Variants in QRFPR observed in about 807,000 individuals in gnomAD.
The protein encoded by QRFPR is pyroglutamylated RFamide peptide receptor.
A neutral mutation model predicts 31.3 loss-of-function variants in QRFPR; 37 were observed. The observed-to-expected ratio is 1.18, with a 90% CI of 0.91 to 1.56. QRFPR has a LOEUF of 1.56. QRFPR is among the 40% of genes most tolerant of loss of function. The probability of loss-of-function intolerance (pLI) is 0.00; values close to 1 mark genes in which losing one functional copy is unlikely to be tolerated. For synonymous variants in QRFPR, 197 were observed against 192.0 expected (o/e 1.03, Z -0.22); for missense variants, 542 against 532.5 (o/e 1.02, Z -0.18).
At position 121,367,672 on chromosome 4, in the gene QRFPR, G is replaced by A. The variant is rs1464140990; in HGVS notation, c.340+12636C>T. Among the ~76,000 whole-genome samples the A allele has an allele frequency of 2.0e-5, 3 of 150,160 alleles. 1 individual carries two copies. Among genetic ancestry groups the A allele is most frequent in the Non-Finnish European group, 4.4e-5 (3 of 67,656 alleles). Reference sequence around the variant, plus strand: ...AATGTAGCTAACACTTTAAGTAGCAGAACTTCGAATATGTGAACAACAATT... The same window carrying A: ...AATGTAGCTAACACTTTAAGTAGCAAAACTTCGAATATGTGAACAACAATT... On this transcript the variant is annotated intron_variant, in intron 1 of 5. Transcript: ENST00000394427.
In QRFPR at chr4:121,369,365, C is replaced by A. The variant is rs1579589694; in HGVS notation, c.340+10943G>T. The A allele has an allele frequency of 6.1e-6, 4 of 658,748 alleles. No individual in the cohort carries two copies. In the East Asian group the frequency reaches 7.5e-5, roughly 12 times the overall value. 40.8% of individuals were successfully genotyped at this position (658,748 alleles called of 1,614,324 possible). A position where few individuals can be genotyped will look rare whatever the true frequency, so the allele number is the denominator to read the frequency against. On this transcript the variant is annotated intron_variant, in intron 1 of 5. Coordinates refer to ENST00000394427, the MANE Select transcript of QRFPR (RefSeq NM_198179.3). ...TAAATATACCTTTCCTATGTCAAAGCCAAGATAAAAGGGCAGTGGAGTGCA... is the reference window on the plus strand; with the variant it reads ...TAAATATACCTTTCCTATGTCAAAGACAAGATAAAAGGGCAGTGGAGTGCA...
rs1726123978 is a variant in QRFPR at position 121,365,674 on chromosome 4, T to TA, written c.340+14633dup. ...TATATATTATATATATTTTATATAT[T>TA]ATATATATATATAAAACTAGTGTCA... is the stretch of plus-strand genomic sequence containing the variant. On this transcript the variant is annotated intron_variant, in intron 1 of 5. Transcript: ENST00000394427. Among the ~76,000 whole-genome samples, 13 of 29,662 alleles carry TA rather than the reference T, an allele frequency of 4.4e-4. 3 individuals carry two copies. Among genetic ancestry groups the TA allele is most frequent in the African/African-American group, 1.7e-3 (13 of 7,480 alleles). The allele number at this position is 29,662 out of a possible 152,430, so 19.5% of individuals were successfully genotyped here.
rs553368606 is a variant in QRFPR at position 121,367,388 on chromosome 4, C to T, written c.340+12920G>A. ...TTCTGAAATAAATGAAAGCAGCACC[C>T]TTTTCTGTTTTCTGAGTACAAATGA... On this transcript the variant is annotated intron_variant, in intron 1 of 5. Transcript: ENST00000394427. Among the ~76,000 whole-genome samples, 78 of 150,212 alleles carry T rather than the reference C, an allele frequency of 5.2e-4. 2 individuals carry two copies. The South Asian group carries it at 0.016, about 31-fold the overall frequency.
intron 1 of QRFPR, among the ~76,000 whole-genome samples, chr4:121,378,136 T>C (rs1419132745): frequency 6.6e-6 from 1 of 152,218 alleles, no homozygotes; most frequent in Non-Finnish European, 1.5e-5. Context: ...TATACTTTCA[T>C]GGCATGACCA....
intron 1 of QRFPR, 120 bp downstream of exon 1, chr4:121,380,188 A>AGAGAGAGG (rs1560749136): frequency 0.021 from 1,982 of 93,212 alleles, 118 homozygotes; most frequent in East Asian, 0.048. Flanking sequence ...ACGAGAGAGG[A>AGAGAGAGG]GAGAGAGAGA....
chr4:121,342,100 G>A (rs1337897751), intron 1 of QRFPR, among the ~76,000 whole-genome samples: 2 of 152,292 alleles, frequency 1.3e-5, no homozygotes, highest in South Asian at 2.1e-4. Flanking sequence ...TCCTAGTGTG[G>A]TTGGGCAGCG....
At chr4:121,346,412 C>G (rs113280378) in intron 1 of QRFPR, among the ~76,000 whole-genome samples, 2,553 of 152,242 alleles carry the variant, frequency 0.017, 70 homozygotes, top group African/African-American at 0.057. Context: ...TGTGACCTTG[C>G]TGAACTCACT....
intron 1 of QRFPR, chr4:121,370,245 T>G: frequency 1.3e-6 from 1 of 781,336 alleles, no homozygotes; most frequent in Non-Finnish European, 2.4e-6. Context: ...GAGGGTATCA[T>G]CATAGCTGAG....
intron 1 of QRFPR, among the ~76,000 whole-genome samples, chr4:121,341,770 C>T (rs1725547141): frequency 1.3e-5 from 2 of 152,104 alleles, no homozygotes; most frequent in African/African-American, 2.4e-5. Flanking sequence ...CCCAAAAAAT[C>T]TGAAATCTGA....
At chr4:121,337,948 G>T (rs143497262) in intron 2 of QRFPR, among the ~76,000 whole-genome samples, 2 of 152,292 alleles carry the variant, frequency 1.3e-5, no homozygotes, top group East Asian at 3.9e-4. Context: ...AAAGTTTCCA[G>T]CTCGAACTCT....
chr4:121,355,118 T>G (rs1468667963), intron 1 of QRFPR, among the ~76,000 whole-genome samples: 1 of 152,114 alleles, frequency 6.6e-6, no homozygotes, highest in East Asian at 1.9e-4. Context: ...CCGCTTTGAT[T>G]TTTTTGTAAC....
chr4:121,349,649 G>A (rs139323020), intron 1 of QRFPR, among the ~76,000 whole-genome samples: 358 of 152,184 alleles, frequency 2.4e-3, no homozygotes, highest in African/African-American at 8.3e-3. Context: ...ATGTGGAAAT[G>A]TGCCCTCGTC....
At chr4:121,331,884 C>A (rs1725334459) in intron 4 of QRFPR, among the ~76,000 whole-genome samples, 1 of 152,038 alleles carries the variant, frequency 6.6e-6, no homozygotes, top group Non-Finnish European at 1.5e-5. Context: ...AACTCCTGAC[C>A]TCAAGTGATC....
intron 1 of QRFPR, among the ~76,000 whole-genome samples, chr4:121,357,811 G>A (rs568159015): frequency 2.6e-4 from 40 of 152,304 alleles, no homozygotes; most frequent in South Asian, 1.2e-3. Flanking sequence ...CTCACTTCAA[G>A]GTCTACGTTT....
At chr4:121,368,226 C>T (rs1339031468) in intron 1 of QRFPR, among the ~76,000 whole-genome samples, 3 of 149,978 alleles carry the variant, frequency 2.0e-5, no homozygotes, top group Admixed American at 6.6e-5. Context: ...CTCCCACAGA[C>T]GTTCCAGGCC....
intron 1 of QRFPR, among the ~76,000 whole-genome samples, chr4:121,351,329 A>T (rs1725756892): frequency 6.6e-6 from 1 of 152,170 alleles, no homozygotes; most frequent in Non-Finnish European, 1.5e-5. Context: ...TTCTCTTCAG[A>T]GTGCTTCCTT....
chr4:121,332,221 T>C lies in QRFPR; in HGVS notation c.797+600A>G, dbSNP rs1246916363. Among the ~76,000 whole-genome samples the C allele has an allele frequency of 2.0e-5, 3 of 152,322 alleles. No homozygotes were observed. In the East Asian group the frequency reaches 5.8e-4, roughly 29 times the overall value. On this transcript the variant is annotated intron_variant, in intron 4 of 5. Transcript: ENST00000394427. ...TCAGTGTAGGTTATTAAATAAATGA[T>C]ATGGACTACAAGTATCATAGCAGTA... is the stretch of plus-strand genomic sequence containing the variant.
intron 2 of QRFPR, among the ~76,000 whole-genome samples, chr4:121,338,448 G>C (rs999917306): frequency 1.3e-5 from 2 of 152,118 alleles, no homozygotes; most frequent in African/African-American, 4.8e-5. Flanking sequence ...GCCTAGGAAG[G>C]CTTCGGATGT....
In QRFPR at chr4:121,371,098, A is replaced by G. The variant is rs72917787; in HGVS notation, c.340+9210T>C. Reference sequence around the variant, plus strand: ...CACAATCCATGTTTGTTTTCACAGCATCTAACTGTTTCTCTATCCTTCTAT... The same window carrying G: ...CACAATCCATGTTTGTTTTCACAGCGTCTAACTGTTTCTCTATCCTTCTAT... On this transcript the variant is annotated intron_variant, in intron 1 of 5. Coordinates refer to ENST00000394427, the MANE Select transcript of QRFPR (RefSeq NM_198179.3). Among the ~76,000 whole-genome samples the G allele has an allele frequency of 1.5e-3, 232 of 152,310 alleles. 1 individual carries two copies. Among genetic ancestry groups the G allele is most frequent in the Middle Eastern group, 6.8e-3 (2 of 294 alleles).
Sources: allele counts gnomAD v4.1 joint callset (sites outside exome capture counted in the v4.1 genomes callset), GRCh38; gene constraint gnomAD v4.1.1; transcripts MANE v1.5; gene names NCBI Gene and HGNC (gene_info 2026-07-23, HGNC 2026-07-21).